Variants in SLC9C1 observed in about 807,000 individuals in gnomAD.
The protein encoded by SLC9C1 is sodium/hydrogen exchanger 10.
In SLC9C1, 97 loss-of-function variants were observed where a neutral mutation model predicts 140.9. The observed-to-expected ratio is 0.69, with a 90% CI of 0.58 to 0.82. The LOEUF (loss-of-function observed/expected upper bound fraction) is 0.82. SLC9C1 is among the 40% of genes least tolerant of loss of function. The pLI is 0.00. For missense variants in SLC9C1, 1,340 were observed against 1,389.3 expected (o/e 0.96, Z 0.56); for synonymous variants, 440 against 442.6 (o/e 0.99, Z 0.07).
intron 1 of SLC9C1, among the ~76,000 whole-genome samples, chr3:112,291,784 T>C (rs2080690479): frequency 1.3e-5 from 2 of 152,168 alleles, no homozygotes; most frequent in South Asian, 4.1e-4. Context: ...CACAAAGAAA[T>C]GTAAACTGTT....
chr3:112,218,237 C>G (rs2078440984), intron 14 of SLC9C1, among the ~76,000 whole-genome samples: 1 of 150,128 alleles, frequency 6.7e-6, no homozygotes, highest in Non-Finnish European at 1.5e-5. Flanking sequence ...TCTTGTTTAG[C>G]CAATCTCCTT....
chr3:112,150,828 ATATATATATATATTT>A lies in SLC9C1; in HGVS notation c.3524+1014_3524+1028del, dbSNP rs1560003543. On this transcript the variant is annotated intron_variant, in intron 28 of 28. Transcript: ENST00000305815. ...TATATATAAATACATATACATATAT[ATATATATATATATTT>A]TTTTTTTTTTTTGAGATGAAGTCTC... 1.7e-3 allele frequency among the ~76,000 whole-genome samples: 103 copies of A among 62,342 alleles called. 2 individuals are homozygous for A. The Middle Eastern group carries it at 0.038, about 23-fold the overall frequency. The allele number at this position is 62,342 out of a possible 152,430, so 40.9% of individuals were successfully genotyped here. A position where few individuals can be genotyped will look rare whatever the true frequency, so the allele number is the denominator to read the frequency against.
chr3:112,239,673 G>A (rs2079088707), intron 12 of SLC9C1, among the ~76,000 whole-genome samples, 167 bp downstream of exon 12: 1 of 152,182 alleles, frequency 6.6e-6, no homozygotes, highest in Non-Finnish European at 1.5e-5. Context: ...CAGTGATCAT[G>A]AAGTTCCTTA....
chr3:112,203,089 C>T (rs1287348330), intron 17 of SLC9C1, among the ~76,000 whole-genome samples: 3 of 152,018 alleles, frequency 2.0e-5, no homozygotes, highest in African/African-American at 7.2e-5. Flanking sequence ...GTGCATACTC[C>T]TGTTTTGCAC....
chr3:112,167,382 C>G (rs890946117), intron 25 of SLC9C1, 35 bp from the exon 26 acceptor site: 1 of 1,538,972 alleles, frequency 6.5e-7, no homozygotes, highest in Admixed American at 2.1e-5. Flanking sequence ...AATTTCTGAG[C>G]AAATATCCTA....
chr3:112,245,050 C>T (rs1028691274), intron 10 of SLC9C1, among the ~76,000 whole-genome samples: 1 of 152,214 alleles, frequency 6.6e-6, no homozygotes, highest in African/African-American at 2.4e-5. Context: ...AAATATCTCA[C>T]ATCCCCAAAA....
intron 28 of SLC9C1, chr3:112,151,612 G>A (rs2074983240): frequency 3.8e-6 from 2 of 527,562 alleles, no homozygotes; most frequent in East Asian, 8.5e-5. Flanking sequence ...GTGAGATTAA[G>A]TGGCAGTATA....
chr3:112,287,769 C>T (rs1381325125), intron 1 of SLC9C1, among the ~76,000 whole-genome samples: 3 of 152,106 alleles, frequency 2.0e-5, no homozygotes, highest in African/African-American at 4.8e-5. Flanking sequence ...AATTCCTGGC[C>T]GGGCACGGTG....
At chr3:112,178,706 A>G (rs1206753860) in intron 23 of SLC9C1, among the ~76,000 whole-genome samples, 1 of 152,190 alleles carries the variant, frequency 6.6e-6, no homozygotes, top group Non-Finnish European at 1.5e-5. Flanking sequence ...AATATTGACC[A>G]ATGTCCTTAG....
chr3:112,204,203 T>C lies in SLC9C1; in HGVS notation c.2172+15A>G, dbSNP rs773091164. ...CAGTAGGAATTAGAAATTGCACGAT[T>C]TACTGGTTCTTTACCTTGAAAATGC... is the stretch of plus-strand genomic sequence containing the variant. On this transcript the variant is annotated intron_variant, in intron 17 of 28. Coordinates refer to ENST00000305815, the MANE Select transcript of SLC9C1 (RefSeq NM_183061.3). 6.9e-7 allele frequency: 1 copy of C among 1,454,468 alleles called. No homozygotes were observed. Among genetic ancestry groups the C allele is most frequent in the Admixed American group, 2.9e-5 (1 of 34,486 alleles). 90.1% of individuals were successfully genotyped at this position (1,454,468 alleles called of 1,614,324 possible). A position where few individuals can be genotyped will look rare whatever the true frequency, so the allele number is the denominator to read the frequency against.
At chr3:112,174,595 C>A (rs1576272162) in intron 23 of SLC9C1, among the ~76,000 whole-genome samples, 1 of 152,172 alleles carries the variant, frequency 6.6e-6, no homozygotes, top group African/African-American at 2.4e-5. Flanking sequence ...AGCAACTGTT[C>A]TACTTTCATG....
At chr3:112,177,740 A>T (rs1017531070) in intron 23 of SLC9C1, among the ~76,000 whole-genome samples, 21 of 150,030 alleles carry the variant, frequency 1.4e-4, no homozygotes, top group African/African-American at 4.9e-4. Flanking sequence ...AAAAAAAATT[A>T]AATAGAAAAA....
chr3:112,167,184 G>A, intron 26 of SLC9C1, 37 bp downstream of exon 26: 1 of 1,597,858 alleles, frequency 6.3e-7, no homozygotes, highest in Non-Finnish European at 8.5e-7. Context: ...TAAAGGGAAA[G>A]TAAGTTTTCA....
intron 26 of SLC9C1, among the ~76,000 whole-genome samples, chr3:112,164,411 C>G (rs28838695): frequency 2.8e-5 from 2 of 70,552 alleles, no homozygotes; most frequent in African/African-American, 1.1e-4. Context: ...CAGCTGGTAC[C>G]GGTTGTTCCT....
In SLC9C1 at chr3:112,204,280, C is replaced by T; in HGVS notation, c.2110G>A (p.Glu704Lys). The T allele has an allele frequency of 2.6e-6, 4 of 1,551,792 alleles. No individual in the cohort carries two copies. The highest frequency in any genetic ancestry group is 3.5e-6 in the Non-Finnish European group (4 of 1,157,924). The change falls in exon 17 of 29, where the codon GAG (glutamate) becomes AAG (lysine). Residue 704 changes from glutamate (E) to lysine (K), a missense_variant. Transcript: ENST00000305815. ...EIDTIKYIFN[E>K]TEVIVFIKVV... ...TTTATAAAGACTATTACTTCAGTCT[C>T]ATTAAAAATATACTTAATGGTGTCT...
chr3:112,232,568 T>C (rs2078857291), intron 12 of SLC9C1, among the ~76,000 whole-genome samples: 1 of 152,122 alleles, frequency 6.6e-6, no homozygotes, highest in Admixed American at 6.6e-5. Flanking sequence ...AATGGATTTT[T>C]TCAGAATTCT....
intron 26 of SLC9C1, among the ~76,000 whole-genome samples, 161 bp downstream of exon 26, chr3:112,167,060 A>T (rs992706696): frequency 6.6e-6 from 1 of 152,200 alleles, no homozygotes; most frequent in African/African-American, 2.4e-5. Flanking sequence ...TGTAACTTCA[A>T]TATTGTCTGT....
At chr3:112,195,136 G>A (rs1283954499) in intron 20 of SLC9C1, among the ~76,000 whole-genome samples, 1 of 152,006 alleles carries the variant, frequency 6.6e-6, no homozygotes, top group East Asian at 1.9e-4. Flanking sequence ...TTCCTGAAGT[G>A]CACTTTGTCT....
intron 12 of SLC9C1, among the ~76,000 whole-genome samples, chr3:112,233,075 T>TATA (rs60239867): frequency 1.3e-4 from 18 of 141,508 alleles, no homozygotes; most frequent in African/African-American, 4.8e-4. Context: ...ATATTATATT[T>TATA]TTTTTTTTTT....
Sources: allele counts gnomAD v4.1 joint callset (sites outside exome capture counted in the v4.1 genomes callset), GRCh38; gene constraint gnomAD v4.1.1; transcripts MANE v1.5; gene names NCBI Gene and HGNC (gene_info 2026-07-23, HGNC 2026-07-21).